ZNF521: variants seen among roughly 807,000 people sequenced by gnomAD.
The protein encoded by ZNF521 is zinc finger protein 521.
In ZNF521, 14 loss-of-function variants were observed where a neutral mutation model predicts 105.5. The observed-to-expected ratio is 0.13, with a 90% CI of 0.09 to 0.21. ZNF521 has a LOEUF of 0.21. Among genes scored for constraint, ZNF521 ranks in the 10% least tolerant of loss-of-function variants. The probability of loss-of-function intolerance (pLI) is 1.00; values close to 1 mark genes in which losing one functional copy is unlikely to be tolerated. For synonymous variants in ZNF521, 635 were observed against 606.0 expected, an observed-to-expected ratio of 1.05 and a Z score of -0.70; for missense variants, 1,233 against 1,629.7, an observed-to-expected ratio of 0.76 and a Z score of 4.19.
intron 4 of ZNF521, among the ~76,000 whole-genome samples, chr18:25,204,237 T>G (rs1165866286): frequency 6.6e-6 from 1 of 152,096 alleles, no homozygotes; most frequent in Non-Finnish European, 1.5e-5. Flanking sequence ...AACCCTAAAC[T>G]CCATGAAGAT....
At chr18:25,213,833 T>C (rs376687448) in intron 4 of ZNF521, among the ~76,000 whole-genome samples, 22 of 152,250 alleles carry the variant, frequency 1.4e-4, no homozygotes, top group African/African-American at 5.1e-4. Flanking sequence ...TCTTTTTTTC[T>C]TGAGCCATTT....
intron 7 of ZNF521, among the ~76,000 whole-genome samples, chr18:25,085,688 C>T (rs199845867): frequency 3.5e-5 from 5 of 144,708 alleles, no homozygotes; most frequent in Non-Finnish European, 7.6e-5. Flanking sequence ...TGTGTGTATA[C>T]ATATATGGTG....
chr18:25,087,598 G>A (rs2033651303), intron 7 of ZNF521, among the ~76,000 whole-genome samples: 2 of 152,172 alleles, frequency 1.3e-5, no homozygotes, highest in South Asian at 4.1e-4. Context: ...ATCACTAGGT[G>A]TTTTGGCCAT....
intron 3 of ZNF521, among the ~76,000 whole-genome samples, chr18:25,266,830 T>C (rs563819368): frequency 1.3e-5 from 2 of 152,268 alleles, no homozygotes; most frequent in African/African-American, 4.8e-5. Context: ...TGGGCAGCCA[T>C]TTGGGCAGAC....
At chr18:25,201,051 T>C (rs1015437029) in intron 4 of ZNF521, 1 of 151,734 alleles carries the variant, frequency 6.6e-6, no homozygotes, top group South Asian at 2.1e-4. Flanking sequence ...TTTTTTTTTT[T>C]CTATGTGCTC....
intron 5 of ZNF521, among the ~76,000 whole-genome samples, chr18:25,109,064 T>C (rs139699731): frequency 0.015 from 2,238 of 152,308 alleles, 51 homozygotes; most frequent in African/African-American, 0.051. Flanking sequence ...ATCACCCAAA[T>C]AGTGAACACT....
chr18:25,342,590 G>A (rs917154042), intron 2 of ZNF521, among the ~76,000 whole-genome samples: 11 of 142,854 alleles, frequency 7.7e-5, no homozygotes, highest in Non-Finnish European at 1.4e-4. Context: ...CACCACGCCC[G>A]GCTAATTTTT....
Position 25,345,712 on chromosome 18 carries a change from C to A in ZNF521, c.40+5195G>T, listed in dbSNP as rs563168821. On this transcript the variant is annotated intron_variant, in intron 2 of 7. Coordinates refer to ENST00000361524, the MANE Select transcript of ZNF521 (RefSeq NM_015461.3). Reference sequence around the variant, plus strand: ...CTGTAATTGCTGTTTTTGTTTATGTCGGATTGTCTACTGATTGGACTATAA... The same window carrying A: ...CTGTAATTGCTGTTTTTGTTTATGTAGGATTGTCTACTGATTGGACTATAA... 9.9e-5 allele frequency among the ~76,000 whole-genome samples: 15 copies of A among 152,202 alleles called. 1 individual carries two copies. The highest frequency in any genetic ancestry group is 6.8e-3 in the Middle Eastern group (2 of 294).
At chr18:25,330,297 G>A (rs2145173133) in intron 2 of ZNF521, among the ~76,000 whole-genome samples, 1 of 152,158 alleles carries the variant, frequency 6.6e-6, no homozygotes, top group East Asian at 1.9e-4. Flanking sequence ...TCAAGTAGCT[G>A]GGACTACAGG....
chr18:25,342,112 C>T (rs1914231106), intron 2 of ZNF521, among the ~76,000 whole-genome samples: 1 of 152,160 alleles, frequency 6.6e-6, no homozygotes, highest in Non-Finnish European at 1.5e-5. Flanking sequence ...TCCCTACAAG[C>T]ACTAGTATCC....
chr18:25,221,313 T>C (rs1288752101), intron 4 of ZNF521, among the ~76,000 whole-genome samples: 1 of 152,232 alleles, frequency 6.6e-6, no homozygotes, highest in Non-Finnish European at 1.5e-5. Context: ...ATTTTTTGGA[T>C]TGCAGGGTTT....
chr18:25,227,231 G>T lies in ZNF521; in HGVS notation c.687C>A (p.Asp229Glu), dbSNP rs140420623. 2 of 1,614,128 alleles carry T rather than the reference G, an allele frequency of 1.2e-6. No individual in the cohort carries two copies. Among genetic ancestry groups the T allele is most frequent in the Non-Finnish European group, 1.7e-6 (2 of 1,180,028 alleles). ...CCATCCTGGAACCGGACTGAGAGCC[G>T]TCCTTGTTCCTCTCATGAACCTGCA... ...GHMQVHERNK[D>E]GSQSGSRMED... The change falls in exon 4 of 8, where the codon GAC (aspartate) becomes GAA (glutamate). Residue 229 changes from aspartate to glutamate, a missense_variant. Physicochemically the swap from Asp to Glu is conservative, Grantham distance 45. Coordinates refer to ENST00000361524, the MANE Select transcript of ZNF521 (RefSeq NM_015461.3). This position sits in a 1 kb window ranked among gnomAD's most constrained non-coding sequence, Gnocchi z 5.7.
intron 3 of ZNF521, among the ~76,000 whole-genome samples, chr18:25,288,494 C>T (rs781256053): frequency 9.3e-5 from 14 of 150,824 alleles, no homozygotes; most frequent in Non-Finnish European, 1.8e-4. Flanking sequence ...GGGTAGCTCA[C>T]TCTTTCTCTT....
intron 3 of ZNF521, among the ~76,000 whole-genome samples, chr18:25,236,968 G>A (rs373752845): frequency 1.3e-5 from 2 of 152,112 alleles, no homozygotes; most frequent in African/African-American, 2.4e-5. Context: ...AAAATAAGGC[G>A]AATTATCAAT....
At chr18:25,308,672 G>T (rs1600287185) in intron 3 of ZNF521, among the ~76,000 whole-genome samples, 1 of 51,204 alleles carries the variant, frequency 2.0e-5, no homozygotes, top group African/African-American at 6.6e-5. Flanking sequence ...ACCCGCCACA[G>T]CCCCTCCAAA....
rs764781012 is a variant in ZNF521, at chr18:25,225,630, T to C, written c.2288A>G (p.Asn763Ser). Residue 763 changes from asparagine to serine, a missense_variant, in exon 4 of 8, where the codon AAC (asparagine) becomes AGC (serine). This residue lies in a region of ZNF521 where 614 missense variants were observed against 751.5 expected (regional missense o/e 0.82). Coordinates refer to ENST00000361524, the MANE Select transcript of ZNF521 (RefSeq NM_015461.3). The surrounding 1 kb of genome is among the most constrained non-coding windows in gnomAD (Gnocchi z 5.6). ...RCTSCNWDFRNETDLQLHVKH... is the reference protein window; with the variant it reads ...RCTSCNWDFRSETDLQLHVKH... Reference sequence around the variant, plus strand: ...CACATGGAGCTGCAAGTCAGTTTCGTTGCGGAAGTCCCAGTTGCAAGATGT... The same window carrying C: ...CACATGGAGCTGCAAGTCAGTTTCGCTGCGGAAGTCCCAGTTGCAAGATGT... 17 of 1,614,062 alleles carry C rather than the reference T, an allele frequency of 1.1e-5. No homozygotes were observed. The highest frequency in any genetic ancestry group is 1.4e-5 in the Non-Finnish European group (17 of 1,180,026).
At chr18:25,106,468 C>T (rs2034075936) in intron 5 of ZNF521, among the ~76,000 whole-genome samples, 3 of 151,996 alleles carry the variant, frequency 2.0e-5, no homozygotes, top group South Asian at 4.1e-4. Flanking sequence ...AAAAAAAATC[C>T]GTTGAAAATA....
chr18:25,293,786 A>C (rs1911169884), intron 3 of ZNF521, among the ~76,000 whole-genome samples: 1 of 152,172 alleles, frequency 6.6e-6, no homozygotes. Flanking sequence ...TCCAACCTTC[A>C]AGCAAACCAT....
chr18:25,312,379 G>A (rs1912354990), intron 3 of ZNF521, among the ~76,000 whole-genome samples: 1 of 152,060 alleles, frequency 6.6e-6, no homozygotes, highest in Non-Finnish European at 1.5e-5. Context: ...AGAAGAGAAT[G>A]GCAGACCAGG....
Sources: gnomAD v4.1 joint callset for allele counts (sites outside exome capture counted in the v4.1 genomes callset) on GRCh38, gnomAD v4.1.1 for gene constraint, gnomAD v4.1.1 regional missense constraint, Gnocchi (gnomAD v3.1) non-coding constraint, MANE v1.5 for transcripts, NCBI Gene and HGNC (gene_info 2026-07-23, HGNC 2026-07-21) for gene names.